The following CGN variants were observed in gnomAD, a reference collection of about 807,000 sequenced individuals.
The protein encoded by CGN is cingulin.
CGN carries 121 observed loss-of-function variants against 157.1 expected under a neutral mutation model. The ratio of observed to expected loss-of-function variants is 0.77; its 90% CI spans 0.66 to 0.90. The LOEUF is 0.90. Among genes scored for constraint, CGN ranks in the 40% least tolerant of loss-of-function variants. The probability of loss-of-function intolerance (pLI) is 0.00; values close to 1 mark genes in which losing one functional copy is unlikely to be tolerated. For synonymous variants in CGN, 535 were observed against 607.5 expected (o/e 0.88, Z 1.76); for missense variants, 1,424 against 1,520.9 (o/e 0.94, Z 1.06).
intron 9 of CGN, 103 bp downstream of exon 9, chr1:151,525,893 A>G: frequency 1.2e-6 from 1 of 864,884 alleles, no homozygotes; most frequent in Non-Finnish European, 1.5e-6. Context: ...ATTTTTTGGG[A>G]CAGAGTTTCG....
intron 8 of CGN, among the ~76,000 whole-genome samples, chr1:151,525,266 A>G (rs1487024890): frequency 6.6e-6 from 1 of 152,088 alleles, no homozygotes; most frequent in Non-Finnish European, 1.5e-5. Context: ...GGGTGTAGTG[A>G]TGCGTACTTG....
At chr1:151,536,200 TG>T in intron 18 of CGN, 36 bp from the exon 19 acceptor site, 1 of 1,299,506 alleles carries the variant, frequency 7.7e-7, no homozygotes, top group Non-Finnish European at 1.1e-6. Flanking sequence ...CCCTTAGAAA[TG>T]GGGACACTCA....
In CGN at chr1:151,518,651, G is replaced by A. The variant is rs1664464918; in HGVS notation, c.132G>A (p.Lys44=). 6.2e-7 allele frequency: 1 copy of A among 1,614,094 alleles called. No individual in the cohort carries two copies. The highest frequency in any genetic ancestry group is 1.3e-5 in the African/African-American group (1 of 74,938). ...GTCGAGGTGGACGACGCCCAGCTAA[G>A]GATGCAAGAGCCAGTACCTACGGGG... The part of the protein sequence containing the change: ...TLRRGGRRPA[K]DARASTYGVA... Residue 44 remains lysine (K), a synonymous_variant, in exon 2 of 21, where the codon AAG becomes AAA. Transcript: ENST00000271636.
At chr1:151,516,850 C>T (rs1664426376) in intron 1 of CGN, among the ~76,000 whole-genome samples, 1 of 151,044 alleles carries the variant, frequency 6.6e-6, no homozygotes. Flanking sequence ...CCGAGTGGCA[C>T]AGTTTTTAAA....
At chr1:151,529,780 C>G in intron 11 of CGN, 129 bp from the exon 12 acceptor site, 1 of 908,168 alleles carries the variant, frequency 1.1e-6, no homozygotes, top group Non-Finnish European at 1.7e-6. Flanking sequence ...GGCAGCTGCT[C>G]TCTTTAAGCC....
At position 151,536,905 on chromosome 1, in the gene CGN, C is replaced by G. The variant is rs200946003; in HGVS notation, c.3470+12C>G. The G allele has an allele frequency of 6.2e-7, 1 of 1,612,808 alleles. No homozygotes were observed. Among genetic ancestry groups the G allele is most frequent in the East Asian group, 2.2e-5 (1 of 44,874 alleles). On this transcript the variant is annotated intron_variant, in intron 20 of 20. Transcript: ENST00000271636. ...GAGAAGGACTCCTGGTATGGGCTAC[C>G]CTTTTGCCCTTGCTCCATAGGGACA... is the stretch of plus-strand genomic sequence containing the variant.
Position 151,537,423 on chromosome 1 carries a change from G to C in CGN, c.*77G>C. ...TGCTGCTCTGCTCTGCCCACCCTGG[G>C]TTCTGCATTCCTATGGGTGACCCAA... On this transcript the variant is annotated 3_prime_UTR_variant, in exon 21 of 21. Coordinates refer to ENST00000271636, the MANE Select transcript of CGN (RefSeq NM_020770.3). 7.2e-7 allele frequency: 1 copy of C among 1,380,806 alleles called. No homozygotes were observed. The highest frequency in any genetic ancestry group is 1.0e-6 in the Non-Finnish European group (1 of 1,004,026). The allele number at this position is 1,380,806 out of a possible 1,614,324, so 85.5% of individuals were successfully genotyped here.
intron 10 of CGN, 137 bp downstream of exon 10, chr1:151,527,244 A>G (rs1664703959): frequency 2.2e-6 from 2 of 899,354 alleles, no homozygotes; most frequent in Non-Finnish European, 3.5e-6. Context: ...GCTCAGCTTG[A>G]TCTCTTTCCA....
chr1:151,525,559 C>T, intron 8 of CGN, 83 bp from the exon 9 acceptor site: 1 of 1,245,394 alleles, frequency 8.0e-7, no homozygotes, highest in Non-Finnish European at 1.1e-6. Flanking sequence ...GGGTCTAAGC[C>T]TTTCCTTGTA....
intron 16 of CGN, 134 bp from the exon 17 acceptor site, chr1:151,535,466 A>AT (rs1664948104): frequency 1.4e-6 from 1 of 738,982 alleles, no homozygotes; most frequent in Non-Finnish European, 2.4e-6. Flanking sequence ...ATAGGCTGTG[A>AT]TTTTTTAGTT....
chr1:151,524,363 G>A lies in CGN; in HGVS notation c.1401+5G>A, dbSNP rs369328709. The A allele has an allele frequency of 1.9e-5, 30 of 1,613,512 alleles. No homozygotes were observed. The African/African-American group carries it at 3.9e-4, about 21-fold the overall frequency. On this transcript the variant is annotated splice_donor_5th_base_variant and intron_variant, in intron 7 of 20. Transcript: ENST00000271636. The surrounding 1 kb of genome is among the most constrained non-coding windows in gnomAD (Gnocchi z 4.4). ...GCTAAGGAGGTGTTACTGAAGGTAG[G>A]GTCTGGGGTCATATGCCCCAGCCTC...
At chr1:151,517,504 C>G (rs1189260932) in intron 1 of CGN, among the ~76,000 whole-genome samples, 1 of 149,204 alleles carries the variant, frequency 6.7e-6, no homozygotes, top group Non-Finnish European at 1.5e-5. Flanking sequence ...AGAAGGCACA[C>G]AGTGTTTTTT....
intron 5 of CGN, among the ~76,000 whole-genome samples, chr1:151,522,640 C>CAAA (rs113342166): frequency 1.4e-3 from 195 of 138,590 alleles, no homozygotes; most frequent in African/African-American, 6.0e-3. Flanking sequence ...AACAAACAAA[C>CAAA]AAAAAAAACA....
Position 151,519,045 on chromosome 1 carries a change from T to C in CGN, c.526T>C (p.Ser176Pro). Residue 176 changes from serine (S) to proline (P), a missense_variant, in exon 2 of 21, where the codon TCT (serine) becomes CCT (proline). This residue lies in a region of CGN where 1,187 missense variants were observed against 1,217.6 expected (regional missense o/e 0.97). Transcript: ENST00000271636. ...TAGCACCATTGACACTGCTCCCCTG[T>C]CTTCAGTGGACTCACTCATCAACAA... ...PGSTIDTAPLSSVDSLINKFD... is the reference protein window; with the variant it reads ...PGSTIDTAPLPSVDSLINKFD... 2 of 1,614,136 alleles carry C rather than the reference T, an allele frequency of 1.2e-6. No individual in the cohort carries two copies. The highest frequency in any genetic ancestry group is 1.7e-6 in the Non-Finnish European group (2 of 1,180,018).
intron 16 of CGN, 101 bp from the exon 17 acceptor site, chr1:151,535,499 G>T: frequency 1.1e-6 from 1 of 934,206 alleles, no homozygotes; most frequent in South Asian, 1.4e-5. Flanking sequence ...TTGGATTCAG[G>T]GTTCAGAGAC....
rs142499650 is a variant in CGN, at chr1:151,536,265, C to T, written c.3226C>T (p.Arg1076Ter). ...REKTVLQSTN[R>*]KLERKVKELS... ...GAAGACAGTTCTGCAGTCTACCAAT[C>T]GAAAACTGGAGCGGAAAGTTAAAGA... Residue 1076 changes from arginine (R) to a stop codon, truncating the protein, a stop_gained, in exon 19 of 21, where the codon CGA becomes TGA. Transcript: ENST00000271636. LOFTEE classifies it high-confidence loss of function. The T allele has an allele frequency of 9.0e-5, 145 of 1,610,842 alleles. No homozygotes were observed. The highest frequency in any genetic ancestry group is 4.5e-5 in the East Asian group (2 of 44,870).
At chr1:151,533,588 A>C (rs149838574) in intron 14 of CGN, among the ~76,000 whole-genome samples, 3,706 of 151,662 alleles carry the variant, frequency 0.024, 148 homozygotes, top group African/African-American at 0.086. Flanking sequence ...AGGTCAGGAG[A>C]TTGAGACCAT....
At position 151,518,798 on chromosome 1, in the gene CGN, T is replaced by G. The variant is rs1181237197; in HGVS notation, c.279T>G (p.Ala93=). The G allele has an allele frequency of 6.2e-7, 1 of 1,613,978 alleles. No homozygotes were observed. Among genetic ancestry groups the G allele is most frequent in the Non-Finnish European group, 8.5e-7 (1 of 1,179,944 alleles). Residue 93 remains alanine, a synonymous_variant, in exon 2 of 21, where the codon GCT becomes GCG. Coordinates refer to ENST00000271636, the MANE Select transcript of CGN (RefSeq NM_020770.3). ...KGANDQGASG[A]LSSDLELPEN... Reference sequence around the variant, plus strand: ...CCAATGACCAAGGGGCCTCAGGAGCTCTGAGCTCAGATTTGGAACTCCCTG... The same window carrying G: ...CCAATGACCAAGGGGCCTCAGGAGCGCTGAGCTCAGATTTGGAACTCCCTG...
Position 151,524,576 on chromosome 1 carries a change from C to A in CGN, c.1402-98C>A. 1 of 1,212,582 alleles carries A rather than the reference C, an allele frequency of 8.2e-7. No individual in the cohort carries two copies. Among genetic ancestry groups the A allele is most frequent in the Non-Finnish European group, 1.2e-6 (1 of 856,906 alleles). 75.1% of individuals were successfully genotyped at this position (1,212,582 alleles called of 1,614,324 possible). ...AGTACTGGTACTAGAGCACCTGGTACTGTGCCTAATACGATAAATATTTTT... is the reference window on the plus strand; with the variant it reads ...AGTACTGGTACTAGAGCACCTGGTAATGTGCCTAATACGATAAATATTTTT... On this transcript the variant is annotated intron_variant, in intron 7 of 20. Coordinates refer to ENST00000271636, the MANE Select transcript of CGN (RefSeq NM_020770.3). The surrounding 1 kb of genome is among the most constrained non-coding windows in gnomAD (Gnocchi z 4.4).
Sources: gnomAD v4.1 joint callset for allele counts (sites outside exome capture counted in the v4.1 genomes callset) on GRCh38, gnomAD v4.1.1 for gene constraint, gnomAD v4.1.1 regional missense constraint, Gnocchi (gnomAD v3.1) non-coding constraint, MANE v1.5 for transcripts, NCBI Gene and HGNC (gene_info 2026-07-23, HGNC 2026-07-21) for gene names.